The following HIVEP1 variants were observed in gnomAD, a reference collection of about 807,000 sequenced individuals.
The protein encoded by HIVEP1 is zinc finger protein 40.
Under a neutral mutation model 180.0 loss-of-function variants are expected in HIVEP1, and 36 were observed. The observed-to-expected ratio is 0.20, with a 90% CI of 0.15 to 0.26. The LOEUF (loss-of-function observed/expected upper bound fraction) is 0.26. Among genes scored for constraint, HIVEP1 ranks in the 10% least tolerant of loss-of-function variants. HIVEP1 has a pLI of 1.00. For synonymous variants in HIVEP1, 1,239 were observed against 1,239.0 expected (o/e 1.00, Z 0.00); for missense variants, 3,143 against 3,268.7 (o/e 0.96, Z 0.94).
chr6:12,123,889 G>A lies in HIVEP1; in HGVS notation c.4094G>A (p.Arg1365His), dbSNP rs376295702. The change falls in exon 4 of 9, where the codon CGT (arginine) becomes CAT (histidine). Residue 1365 changes from arginine to histidine, a missense_variant. Coordinates refer to ENST00000379388, the MANE Select transcript of HIVEP1 (RefSeq NM_002114.4). ...NVPGCHREMRRTASEQINCTQ... is the reference protein window; with the variant it reads ...NVPGCHREMRHTASEQINCTQ... ...CCTGGATGTCACCGGGAAATGAGGC[G>A]TACTGCATCAGAACAGATTAATTGC... The A allele has an allele frequency of 1.3e-5, 21 of 1,613,978 alleles. No individual in the cohort carries two copies. Among genetic ancestry groups the A allele is most frequent in the East Asian group, 4.5e-5 (2 of 44,890 alleles).
intron 2 of HIVEP1, among the ~76,000 whole-genome samples, chr6:12,051,001 C>CATGTATAT (rs1554135636): frequency 2.6e-5 from 2 of 77,600 alleles, no homozygotes; most frequent in Admixed American, 3.3e-4. Flanking sequence ...TACACAAGTG[C>CATGTATAT]ATATATATAT....
chr6:12,161,763 C>T lies in HIVEP1; in HGVS notation c.6812C>T (p.Thr2271Ile), dbSNP rs368696677. ...GCACAGTCTGACTACAATAGGAAGA[C>T]ACTCTCTCCGGGGAAGGCCAGGCAG... The part of the protein sequence containing the change: ...STAQSDYNRK[T>I]LSPGKARQRA... Residue 2271 changes from threonine to isoleucine, a missense_variant, in exon 8 of 9, where the codon ACA becomes ATA. Thr to Ile is a moderately conservative substitution (Grantham distance 89, BLOSUM62 -1). Coordinates refer to ENST00000379388, the MANE Select transcript of HIVEP1 (RefSeq NM_002114.4). 32 of 1,614,062 alleles carry T rather than the reference C, an allele frequency of 2.0e-5. No individual in the cohort carries two copies. Among genetic ancestry groups the T allele is most frequent in the Non-Finnish European group, 2.7e-5 (32 of 1,180,022 alleles).
At chr6:12,051,579 A>C (rs1353628141) in intron 2 of HIVEP1, among the ~76,000 whole-genome samples, 2 of 151,838 alleles carry the variant, frequency 1.3e-5, no homozygotes, top group African/African-American at 4.8e-5. Context: ...GCATTTTATT[A>C]TTTCACCCTA....
chr6:12,098,104 G>A (rs1330608194), intron 3 of HIVEP1, among the ~76,000 whole-genome samples: 1 of 152,164 alleles, frequency 6.6e-6, no homozygotes, highest in African/African-American at 2.4e-5. Flanking sequence ...CCTTTAGCAA[G>A]GAGAAAAGTC....
the HIVEP1 span, among the ~76,000 whole-genome samples, chr6:12,175,871 CTTCTGGGGTTGACTTTA>C: frequency 1.3e-5 from 2 of 152,302 alleles, no homozygotes; most frequent in South Asian, 4.1e-4. Context: ...TTGCCTGGCT[CTTCTGGGGTTGACTTTA>C]TTCTTGGTGC....
chr6:12,139,863 G>A (rs1006478939), intron 7 of HIVEP1, among the ~76,000 whole-genome samples: 22 of 152,244 alleles, frequency 1.4e-4, no homozygotes, highest in African/African-American at 5.3e-4. Context: ...GCCCACCGCA[G>A]CTCAGCAAGG....
intron 2 of HIVEP1, among the ~76,000 whole-genome samples, chr6:12,061,483 T>C (rs1771229711): frequency 6.6e-6 from 1 of 152,210 alleles, no homozygotes; most frequent in Admixed American, 6.5e-5. Context: ...GTGGTGTAGC[T>C]GGCTAATAGA....
the HIVEP1 span, among the ~76,000 whole-genome samples, chr6:12,198,308 GA>G: frequency 6.6e-6 from 1 of 152,172 alleles, no homozygotes; most frequent in Non-Finnish European, 1.5e-5. Context: ...TAAAACCATA[GA>G]AAAAAGTTCA....
intron 3 of HIVEP1, among the ~76,000 whole-genome samples, chr6:12,112,539 A>G (rs550761117): frequency 6.6e-6 from 1 of 151,708 alleles, no homozygotes; most frequent in South Asian, 2.1e-4. Context: ...ATGTATTTCT[A>G]CTACCCTGTT....
chr6:12,200,052 G>A, the HIVEP1 span, among the ~76,000 whole-genome samples: 1 of 152,206 alleles, frequency 6.6e-6, no homozygotes, highest in South Asian at 2.1e-4. Flanking sequence ...TGGAGACCAA[G>A]ACTGCTGGAG....
intron 7 of HIVEP1, among the ~76,000 whole-genome samples, chr6:12,153,963 C>T (rs1437786197): frequency 1.6e-4 from 24 of 152,308 alleles, no homozygotes; most frequent in Non-Finnish European, 1.2e-4. Flanking sequence ...GCCTGACCAA[C>T]ATGGTGAAAC....
intron 2 of HIVEP1, among the ~76,000 whole-genome samples, chr6:12,035,702 T>G (rs1581541445): frequency 6.6e-6 from 1 of 152,154 alleles, no homozygotes; most frequent in East Asian, 1.9e-4. Context: ...GAGTGGATGT[T>G]TGGAGGGGAA....
chr6:12,076,731 T>C (rs1451985980), intron 2 of HIVEP1, among the ~76,000 whole-genome samples: 1 of 152,134 alleles, frequency 6.6e-6, no homozygotes, highest in Non-Finnish European at 1.5e-5. Flanking sequence ...TGCTGTTGCA[T>C]TGTGGATTAA....
chr6:12,060,812 C>T (rs116858158), intron 2 of HIVEP1, among the ~76,000 whole-genome samples: 1 of 152,124 alleles, frequency 6.6e-6, no homozygotes, highest in South Asian at 2.1e-4. Context: ...GGAAGGTACT[C>T]TCGGATGCAG....
chr6:12,153,597 A>T (rs1038412070), intron 7 of HIVEP1, among the ~76,000 whole-genome samples: 2 of 150,146 alleles, frequency 1.3e-5, no homozygotes, highest in South Asian at 2.1e-4. Flanking sequence ...AAAAAAATAG[A>T]TACAAGATAA....
intron 2 of HIVEP1, among the ~76,000 whole-genome samples, chr6:12,054,075 G>A (rs1770710578): frequency 6.6e-6 from 1 of 152,074 alleles, no homozygotes; most frequent in Non-Finnish European, 1.5e-5. Context: ...GGCTCGCATT[G>A]CCCATAACTC....
intron 3 of HIVEP1, among the ~76,000 whole-genome samples, chr6:12,101,160 C>G (rs1264199627): frequency 6.6e-6 from 1 of 152,182 alleles, no homozygotes; most frequent in African/African-American, 2.4e-5. Flanking sequence ...GCTAACCCAG[C>G]TATATCATAG....
At chr6:12,167,676 A>G (rs1320157070), downstream of HIVEP1, among the ~76,000 whole-genome samples, 2 of 19,360 alleles carry the variant, frequency 1.0e-4, no homozygotes, top group Non-Finnish European at 2.2e-4. Flanking sequence ...ATATATACAT[A>G]TATGTGTATA....
chr6:12,197,322 C>G, the HIVEP1 span, among the ~76,000 whole-genome samples: 1 of 152,048 alleles, frequency 6.6e-6, no homozygotes, highest in Non-Finnish European at 1.5e-5. Context: ...CTTTGGGAGG[C>G]TGAGGCAGGC....
Sources: gnomAD v4.1 joint callset for allele counts (sites outside exome capture counted in the v4.1 genomes callset) on GRCh38, gnomAD v4.1.1 for gene constraint, MANE v1.5 for transcripts, NCBI Gene and HGNC (gene_info 2026-07-23, HGNC 2026-07-21) for gene names.